ITGB6: variants seen among roughly 807,000 people sequenced by gnomAD.
ITGB6 encodes the protein integrin beta-6.
Under a neutral mutation model 84.5 loss-of-function variants are expected in ITGB6, and 80 were observed. That is an observed-to-expected ratio of 0.95 (90% CI 0.79 to 1.14). ITGB6 has a LOEUF of 1.14. Ranked by LOEUF, ITGB6 falls within the 50% of genes most tolerant of loss-of-function variation. The pLI is 0.00. For missense variants in ITGB6, 1,006 were observed against 968.0 expected, an observed-to-expected ratio of 1.04 and a Z score of -0.52; for synonymous variants, 383 against 354.9, an observed-to-expected ratio of 1.08 and a Z score of -0.89.
At chr2:160,158,896 C>A (rs947486301) in intron 7 of ITGB6, among the ~76,000 whole-genome samples, 1 of 152,002 alleles carries the variant, frequency 6.6e-6, no homozygotes, top group African/African-American at 2.4e-5. Flanking sequence ...GTCAGGAGAT[C>A]GAGGCCATCC....
intron 6 of ITGB6, among the ~76,000 whole-genome samples, chr2:160,170,269 A>G (rs1239724322): frequency 6.6e-6 from 1 of 152,190 alleles, no homozygotes; most frequent in Non-Finnish European, 1.5e-5. Context: ...ATTTTCATCT[A>G]AAGCCTTCTT....
At chr2:160,165,919 TAACAAG>T (rs1684984023) in intron 7 of ITGB6, among the ~76,000 whole-genome samples, 3 of 152,326 alleles carry the variant, frequency 2.0e-5, no homozygotes, top group Non-Finnish European at 4.4e-5. Flanking sequence ...TCCTCAATCT[TAACAAG>T]TGCTTGTCAC....
At chr2:160,104,692 A>C (rs1235607129) in intron 14 of ITGB6, among the ~76,000 whole-genome samples, 1 of 152,216 alleles carries the variant, frequency 6.6e-6, no homozygotes, top group Non-Finnish European at 1.5e-5. Flanking sequence ...TGTCAGGCTG[A>C]ACATTTTTTT....
intron 14 of ITGB6, among the ~76,000 whole-genome samples, chr2:160,105,240 A>T (rs1696862127): frequency 6.6e-6 from 1 of 152,064 alleles, no homozygotes; most frequent in African/African-American, 2.4e-5. Flanking sequence ...TTTTCCATTT[A>T]TGCTTTTTTT....
At chr2:160,153,386 T>C (rs554527722) in intron 7 of ITGB6, among the ~76,000 whole-genome samples, 229 of 152,360 alleles carry the variant, frequency 1.5e-3, no homozygotes, top group African/African-American at 5.1e-3. Context: ...GCTAGCCATA[T>C]GTAGAAAGCT....
chr2:160,148,509 G>A (rs1389953506), intron 7 of ITGB6, among the ~76,000 whole-genome samples: 2 of 152,298 alleles, frequency 1.3e-5, no homozygotes, highest in East Asian at 1.9e-4. Context: ...GAACAGCTCC[G>A]ATCTGCAGCT....
At chr2:160,183,287 G>A (rs1685760725) in intron 4 of ITGB6, among the ~76,000 whole-genome samples, 1 of 152,114 alleles carries the variant, frequency 6.6e-6, no homozygotes, top group Non-Finnish European at 1.5e-5. Context: ...ATAAAGGGAT[G>A]GAGGAAGATT....
chr2:160,142,269 G>A lies in ITGB6; in HGVS notation c.1018-198C>T, dbSNP rs1400225183. Among the ~76,000 whole-genome samples the A allele has an allele frequency of 2.0e-5, 3 of 152,130 alleles. No homozygotes were observed. In the East Asian group the frequency reaches 5.8e-4, roughly 29 times the overall value. On this transcript the variant is annotated intron_variant, in intron 7 of 14. Coordinates refer to ENST00000283249, the MANE Select transcript of ITGB6 (RefSeq NM_000888.5). ...CTGTGCTCAAGTGGAAAATGGACTG[G>A]ACAGAGTCAGCACTGGGGAAATCTA... is the stretch of plus-strand genomic sequence containing the variant.
chr2:160,116,620 A>G (rs956039241), intron 12 of ITGB6, among the ~76,000 whole-genome samples: 1 of 151,958 alleles, frequency 6.6e-6, no homozygotes, highest in Non-Finnish European at 1.5e-5. Flanking sequence ...GAGCAAAATA[A>G]CCAGCTAACA....
intron 10 of ITGB6, among the ~76,000 whole-genome samples, chr2:160,128,676 G>C (rs145522139): frequency 6.6e-6 from 1 of 152,144 alleles, no homozygotes; most frequent in African/African-American, 2.4e-5. Context: ...AAGAGACAGA[G>C]GGATGGAATT....
intron 7 of ITGB6, among the ~76,000 whole-genome samples, chr2:160,152,187 G>T (rs1574092206): frequency 6.6e-6 from 1 of 152,062 alleles, no homozygotes; most frequent in African/African-American, 2.4e-5. Context: ...TCATCAGTGC[G>T]AAAATCCTCA....
At chr2:160,178,688 C>CTTTTTTT (rs746675372) in intron 4 of ITGB6, among the ~76,000 whole-genome samples, 2 of 103,746 alleles carry the variant, frequency 1.9e-5, no homozygotes, top group African/African-American at 6.9e-5. Context: ...CTCTCTCTCT[C>CTTTTTTT]TTTTTTTTTT....
At chr2:160,164,825 T>A (rs1684945052) in intron 7 of ITGB6, among the ~76,000 whole-genome samples, 1 of 152,228 alleles carries the variant, frequency 6.6e-6, no homozygotes, top group South Asian at 2.1e-4. Flanking sequence ...GGCTTTGAGT[T>A]CTTTAGAAGA....
At chr2:160,112,056 G>T in intron 13 of ITGB6, 24 bp downstream of exon 13, 1 of 1,608,760 alleles carries the variant, frequency 6.2e-7, no homozygotes, top group South Asian at 1.1e-5. Flanking sequence ...ATTTGCCATC[G>T]GCAATGGAAG....
chr2:160,177,487 C>A (rs942078263), intron 4 of ITGB6, among the ~76,000 whole-genome samples: 2 of 151,524 alleles, frequency 1.3e-5, no homozygotes, highest in South Asian at 2.1e-4. Context: ...AGGAGAATGG[C>A]GTGAACCCGG....
chr2:160,180,282 A>G (rs1169049230), intron 4 of ITGB6, among the ~76,000 whole-genome samples: 10 of 152,176 alleles, frequency 6.6e-5, no homozygotes, highest in Admixed American at 6.5e-4. Flanking sequence ...GCTACTCCAG[A>G]AAACATAAAG....
chr2:160,133,484 A>G (rs1048067021), intron 10 of ITGB6, among the ~76,000 whole-genome samples: 5 of 152,166 alleles, frequency 3.3e-5, no homozygotes, highest in Non-Finnish European at 7.3e-5. Context: ...CCCACTGTCA[A>G]CATTAGACAG....
chr2:160,190,778 G>T (rs1401395685), intron 4 of ITGB6, among the ~76,000 whole-genome samples: 2 of 152,170 alleles, frequency 1.3e-5, no homozygotes, highest in African/African-American at 2.4e-5. Context: ...AAGATGCTGG[G>T]ATACTAGTTT....
chr2:160,172,561 T>C lies in ITGB6; in HGVS notation c.921+8A>G. On this transcript the variant is annotated splice_region_variant and intron_variant, in intron 6 of 14. Transcript: ENST00000283249. ...CCCTGAAAACAGTACAGAGTGCAGG[T>C]TACACACCAAGACAGTTGACATGGA... The C allele has an allele frequency of 6.3e-7, 1 of 1,589,672 alleles. No homozygotes were observed. The highest frequency in any genetic ancestry group is 8.6e-7 in the Non-Finnish European group (1 of 1,159,988).
Sources: allele counts gnomAD v4.1 joint callset (sites outside exome capture counted in the v4.1 genomes callset), GRCh38; gene constraint gnomAD v4.1.1; transcripts MANE v1.5; gene names NCBI Gene and HGNC (gene_info 2026-07-23, HGNC 2026-07-21).